Variants in IDNK observed in about 807,000 individuals in gnomAD.
IDNK encodes the protein IDNK gluconokinase.
A neutral mutation model predicts 13.0 loss-of-function variants in IDNK; 9 were observed. The observed-to-expected ratio is 0.69, with a 90% CI of 0.42 to 1.21. The LOEUF is 1.21. Among genes scored for constraint, IDNK ranks in the 50% most tolerant of loss-of-function variants. The probability of loss-of-function intolerance (pLI) is 0.00; values close to 1 mark genes in which losing one functional copy is unlikely to be tolerated. For missense variants in IDNK, 210 were observed against 237.8 expected, an observed-to-expected ratio of 0.88 and a Z score of 0.77; for synonymous variants, 92 against 94.9, an observed-to-expected ratio of 0.97 and a Z score of 0.18.
Position 83,623,194 on chromosome 9 carries a change from T to C in IDNK, c.23T>C (p.Leu8Pro). The C allele has an allele frequency of 7.1e-7, 1 of 1,412,472 alleles. No individual in the cohort carries two copies. The highest frequency in any genetic ancestry group is 9.2e-7 in the Non-Finnish European group (1 of 1,088,958). The allele number at this position is 1,412,472 out of a possible 1,614,324, so 87.5% of individuals were successfully genotyped here. ...GTTATGGCGGCGCCGGGCGCGCTGC[T>C]GGTGATGGGCGTGAGCGGCTCGGGG... is the stretch of plus-strand genomic sequence containing the variant. MAAPGAL[L>P]VMGVSGSGKS... Residue 8 changes from leucine (L) to proline (P), a missense_variant, in exon 1 of 5, where the codon CTG becomes CCG. Leu to Pro is a moderately conservative substitution (Grantham distance 98). Transcript: ENST00000376419.
intron 3 of IDNK, among the ~76,000 whole-genome samples, chr9:83,634,033 T>A (rs1326261475): frequency 6.6e-6 from 1 of 152,220 alleles, no homozygotes; most frequent in Non-Finnish European, 1.5e-5. Context: ...ACTGACATGG[T>A]AGCCTGGCTT....
rs1831364279 is a variant in IDNK, at chr9:83,643,277, G to A, written c.213-152G>A. 8.2e-6 allele frequency: 5 copies of A among 606,360 alleles called. No individual in the cohort carries two copies. The South Asian group carries it at 9.1e-5, about 11-fold the overall frequency. The allele number at this position is 606,360 out of a possible 1,614,324, so 37.6% of individuals were successfully genotyped here. On this transcript the variant is annotated intron_variant, in intron 4 of 4. Coordinates refer to ENST00000376419, the MANE Select transcript of IDNK (RefSeq NM_001001551.4). ...TTTACTAGCAGAAGATATTTAACTC[G>A]ATGCTAGGACTGCCTGATGCTTAAA...
At chr9:83,637,800 C>CTTG (rs906629675) in intron 3 of IDNK, among the ~76,000 whole-genome samples, 3 of 152,106 alleles carry the variant, frequency 2.0e-5, no homozygotes, top group East Asian at 1.9e-4. Context: ...TACATAAAGT[C>CTTG]TTGTTGTTGT....
At chr9:83,626,605 C>T (rs1266042761) in intron 1 of IDNK, 8 of 744,624 alleles carry the variant, frequency 1.1e-5, no homozygotes, top group African/African-American at 5.5e-5. Context: ...TTAGTTGAGA[C>T]GGGGTTTTGC....
chr9:83,631,506 G>T (rs910098607), intron 3 of IDNK, among the ~76,000 whole-genome samples: 6 of 145,908 alleles, frequency 4.1e-5, no homozygotes, highest in Admixed American at 1.4e-4. Flanking sequence ...CAGCTACTCG[G>T]GAGGCTAAGG....
chr9:83,627,894 CA>C, intron 1 of IDNK: 3 of 431,302 alleles, frequency 7.0e-6, no homozygotes, highest in Non-Finnish European at 1.0e-5. Flanking sequence ...CAACAGGGAC[CA>C]AAAACTGATT....
In IDNK at chr9:83,623,149, C is replaced by A. The variant is rs1476959733; in HGVS notation, c.-23C>A. ...GGGGCCGGCGGGGCCCGGAAGGCGACGGGAAGGAGCCGAGCTTGGGTTATG... is the reference window on the plus strand; with the variant it reads ...GGGGCCGGCGGGGCCCGGAAGGCGAAGGGAAGGAGCCGAGCTTGGGTTATG... On this transcript the variant is annotated 5_prime_UTR_variant, in exon 1 of 5. Transcript: ENST00000376419. The A allele has an allele frequency of 4.3e-6, 6 of 1,411,010 alleles. No individual in the cohort carries two copies. The highest frequency in any genetic ancestry group is 5.5e-6 in the Non-Finnish European group (6 of 1,087,986). The allele number at this position is 1,411,010 out of a possible 1,614,324, so 87.4% of individuals were successfully genotyped here.
intron 4 of IDNK, among the ~76,000 whole-genome samples, chr9:83,643,213 C>T (rs182191075): frequency 1.4e-4 from 21 of 152,254 alleles, no homozygotes; most frequent in Admixed American, 8.5e-4. Context: ...GATGAACTGA[C>T]GCTCAGAGAG....
chr9:83,640,343 C>A (rs1267445334), intron 3 of IDNK, among the ~76,000 whole-genome samples: 2 of 152,040 alleles, frequency 1.3e-5, no homozygotes, highest in Non-Finnish European at 2.9e-5. Context: ...TAATATGGAC[C>A]ATATTTTTAA....
intron 4 of IDNK, among the ~76,000 whole-genome samples, chr9:83,643,102 C>T (rs1406429190): frequency 6.6e-6 from 1 of 152,208 alleles, no homozygotes. Context: ...CAAAGCAGAA[C>T]TAACACTTAC....
rs552423106 is a variant in IDNK at position 83,627,398 on chromosome 9, A to G, written c.51-783A>G. Among the ~76,000 whole-genome samples the G allele has an allele frequency of 5.9e-5, 9 of 152,318 alleles. No homozygotes were observed. The South Asian group carries it at 1.0e-3, about 18-fold the overall frequency. ...CATCCTGGGAACTGGTAGGTGCTCA[A>G]TAAAGAAATGAAATGTAGGTGGATG... On this transcript the variant is annotated intron_variant, in intron 1 of 4. Transcript: ENST00000376419.
chr9:83,641,719 C>A (rs1831314957), intron 4 of IDNK, 128 bp downstream of exon 4: 2 of 951,714 alleles, frequency 2.1e-6, no homozygotes, highest in African/African-American at 1.6e-5. Flanking sequence ...TAGAAACTGG[C>A]TGCACTTCTA....
chr9:83,630,364 G>A (rs1052382770), intron 3 of IDNK, among the ~76,000 whole-genome samples: 2 of 152,220 alleles, frequency 1.3e-5, no homozygotes, highest in African/African-American at 4.8e-5. Flanking sequence ...AAAAAGAGTA[G>A]TAATAATGTT....
intron 3 of IDNK, among the ~76,000 whole-genome samples, chr9:83,631,681 A>G (rs1831020092): frequency 6.6e-6 from 1 of 152,106 alleles, no homozygotes; most frequent in Non-Finnish European, 1.5e-5. Flanking sequence ...TACCAGCCAC[A>G]TGTCAAAAGC....
intron 1 of IDNK, 109 bp from the exon 2 acceptor site, chr9:83,628,072 G>A: frequency 6.5e-7 from 1 of 1,528,538 alleles, no homozygotes; most frequent in African/African-American, 1.4e-5. Context: ...AGTGATTGGT[G>A]TTTAAATTCC....
chr9:83,637,297 C>T lies in IDNK; in HGVS notation c.169-4251C>T, dbSNP rs545979779. ...CGGGACCCTCAATCCTACATTAGCACGCAGTGCTTTAAAAATAATCTTGTA... is the reference window on the plus strand; with the variant it reads ...CGGGACCCTCAATCCTACATTAGCATGCAGTGCTTTAAAAATAATCTTGTA... On this transcript the variant is annotated intron_variant, in intron 3 of 4. Transcript: ENST00000376419. Among the ~76,000 whole-genome samples the T allele has an allele frequency of 3.9e-5, 6 of 152,318 alleles. No individual in the cohort carries two copies. The South Asian group carries it at 8.3e-4, about 21-fold the overall frequency.
At chr9:83,636,219 T>C (rs1424584358) in intron 3 of IDNK, among the ~76,000 whole-genome samples, 8 of 152,274 alleles carry the variant, frequency 5.3e-5, no homozygotes, top group East Asian at 1.9e-4. Context: ...ATCTAGGGTA[T>C]TGGACCAAAA....
chr9:83,642,449 G>A (rs1230879237), intron 4 of IDNK, among the ~76,000 whole-genome samples: 1 of 151,766 alleles, frequency 6.6e-6, no homozygotes, highest in Non-Finnish European at 1.5e-5. Flanking sequence ...TTGCCTACCT[G>A]GGTTTCTAAT....
chr9:83,631,413 C>T (rs959437941), intron 3 of IDNK, among the ~76,000 whole-genome samples: 1 of 128,542 alleles, frequency 7.8e-6, no homozygotes, highest in Non-Finnish European at 1.6e-5. Flanking sequence ...TTGAGACCTG[C>T]CTGGGCAACA....
Sources: allele counts gnomAD v4.1 joint callset (sites outside exome capture counted in the v4.1 genomes callset), GRCh38; gene constraint gnomAD v4.1.1; transcripts MANE v1.5; gene names NCBI Gene and HGNC (gene_info 2026-07-23, HGNC 2026-07-21).